SSX2IP: variants seen among roughly 807,000 people sequenced by gnomAD.
SSX2IP encodes SSX family member 2 interacting protein, also known as afadin- and alpha-actinin-binding protein.
Under a neutral mutation model 84.9 loss-of-function variants are expected in SSX2IP, and 55 were observed. That is an observed-to-expected ratio of 0.65 (90% CI 0.52 to 0.81). The LOEUF is 0.81. Among genes scored for constraint, SSX2IP ranks in the 30% least tolerant of loss-of-function variants. The pLI is 0.00. For missense variants in SSX2IP, 664 were observed against 705.2 expected (o/e 0.94, Z 0.66); for synonymous variants, 239 against 234.7 (o/e 1.02, Z -0.17).
chr1:84,677,424 C>T (rs971481698), intron 1 of SSX2IP, among the ~76,000 whole-genome samples: 1 of 152,058 alleles, frequency 6.6e-6, no homozygotes, highest in African/African-American at 2.4e-5. Flanking sequence ...TCCTTCTACC[C>T]CAAAGACGAA....
chr1:84,679,734 G>T (rs1476937727), intron 1 of SSX2IP, among the ~76,000 whole-genome samples: 2 of 152,176 alleles, frequency 1.3e-5, no homozygotes, highest in African/African-American at 2.4e-5. Flanking sequence ...AGGACATAGG[G>T]TACTGGTTTA....
At chr1:84,668,282 C>G (rs1653040833) in intron 4 of SSX2IP, among the ~76,000 whole-genome samples, 2 of 152,134 alleles carry the variant, frequency 1.3e-5, no homozygotes, top group African/African-American at 4.8e-5. Flanking sequence ...GGTTACAACT[C>G]TGCATCAGCC....
At chr1:84,678,156 T>A (rs1402911045) in intron 1 of SSX2IP, among the ~76,000 whole-genome samples, 1 of 152,186 alleles carries the variant, frequency 6.6e-6, no homozygotes, top group African/African-American at 2.4e-5. Context: ...AATGATATCA[T>A]CCAGTATTAC....
chr1:84,651,638 T>C (rs1327897820), intron 12 of SSX2IP, among the ~76,000 whole-genome samples: 1 of 151,754 alleles, frequency 6.6e-6, no homozygotes, highest in Non-Finnish European at 1.5e-5. Context: ...TGAGACAAGA[T>C]AATCGCGTGA....
rs1239625959 is a variant in SSX2IP, at chr1:84,671,244, T to C, written c.-25A>G. 1 of 1,607,704 alleles carries C rather than the reference T, an allele frequency of 6.2e-7. No individual in the cohort carries two copies. The highest frequency in any genetic ancestry group is 1.7e-5 in the Admixed American group (1 of 59,210). The stretch of plus-strand genomic sequence containing the variant: ...TAGCAATCTCTAGAGCCAGGATACC[T>C]GAGGAACTAGTTCAGCAGTTAAACA... On this transcript the variant is annotated 5_prime_UTR_variant, in exon 2 of 14. Transcript: ENST00000342203.
intron 6 of SSX2IP, 21 bp downstream of exon 6, chr1:84,664,395 CT>C (rs774490408): frequency 6.4e-7 from 1 of 1,561,764 alleles, no homozygotes; most frequent in South Asian, 1.2e-5. Context: ...ATTCTCTTAG[CT>C]GATCTTTGCC....
At position 84,680,522 on chromosome 1, in the gene SSX2IP, C is replaced by T. The variant is rs1015456796; in HGVS notation, c.-89-9214G>A. The stretch of plus-strand genomic sequence containing the variant: ...AGGGCTTAAAAAAAGGTCATGGGTA[C>T]ATGGTAAGTGCTCAATAAATGCTAG... On this transcript the variant is annotated intron_variant, in intron 1 of 13. Transcript: ENST00000342203. The T allele has an allele frequency of 6.6e-5, 10 of 152,108 alleles. No homozygotes were observed. In the South Asian group the frequency reaches 1.2e-3, roughly 19 times the overall value. 9.4% of individuals were successfully genotyped at this position (152,108 alleles called of 1,614,324 possible). A position where few individuals can be genotyped will look rare whatever the true frequency, so the allele number is the denominator to read the frequency against.
At position 84,650,384 on chromosome 1, in the gene SSX2IP, G is replaced by A. The variant is rs949170300; in HGVS notation, c.1648C>T (p.Arg550Cys). ...TACCTATGTTCAGATATGCAGGAACGTGTCTGGCAAAAGTCTGAAGTGGAA... is the reference window on the plus strand; with the variant it reads ...TACCTATGTTCAGATATGCAGGAACATGTCTGGCAAAAGTCTGAAGTGGAA... The part of the protein sequence containing the change: ...SPSTSDFCQT[R>C]SCISEHSSIN... The change falls in exon 13 of 14, where the codon CGT becomes TGT. Residue 550 changes from arginine to cysteine, a missense_variant. By Grantham distance (180) the Arg-to-Cys change is radical. Transcript: ENST00000342203. 9.3e-6 allele frequency: 15 copies of A among 1,614,074 alleles called. No homozygotes were observed. The highest frequency in any genetic ancestry group is 8.3e-5 in the Admixed American group (5 of 60,004).
In SSX2IP at chr1:84,652,004, T is replaced by C. The variant is rs754858261; in HGVS notation, c.1390-7A>G. 1 of 1,594,694 alleles carries C rather than the reference T, an allele frequency of 6.3e-7. No homozygotes were observed. Among genetic ancestry groups the C allele is most frequent in the South Asian group, 1.1e-5 (1 of 90,630 alleles). On this transcript the variant is annotated splice_polypyrimidine_tract_variant and splice_region_variant and intron_variant, in intron 11 of 13. Coordinates refer to ENST00000342203, the MANE Select transcript of SSX2IP (RefSeq NM_001166293.2). ...CTTCTTCAAATGCCTTTCTCTACCA[T>C]AAACAGCCAAAGAAATAATGATCAA...
At chr1:84,650,068 A>T (rs1180941523) in intron 13 of SSX2IP, 1 of 636,758 alleles carries the variant, frequency 1.6e-6, no homozygotes, top group Non-Finnish European at 2.8e-6. Flanking sequence ...ATTAACTCCT[A>T]TAATTAAGAC....
At chr1:84,685,863 T>C (rs955443257) in intron 1 of SSX2IP, among the ~76,000 whole-genome samples, 7 of 152,178 alleles carry the variant, frequency 4.6e-5, no homozygotes, top group Middle Eastern at 3.4e-3. Flanking sequence ...TCGAAGGCTA[T>C]AGAATAGAGA....
Position 84,651,870 on chromosome 1 carries a change from A to G in SSX2IP, c.1504+13T>C, listed in dbSNP as rs182608028. On this transcript the variant is annotated intron_variant, in intron 12 of 13. Transcript: ENST00000342203. ...TATGCATGTTCAAATTAAAGAGTTTATAAAGTACTCACTTCCTGAGAAGGC... is the reference window on the plus strand; with the variant it reads ...TATGCATGTTCAAATTAAAGAGTTTGTAAAGTACTCACTTCCTGAGAAGGC... 37 of 1,528,962 alleles carry G rather than the reference A, an allele frequency of 2.4e-5. No individual in the cohort carries two copies. The highest frequency in any genetic ancestry group is 3.4e-5 in the Admixed American group (2 of 58,900). The allele number at this position is 1,528,962 out of a possible 1,614,324, so 94.7% of individuals were successfully genotyped here.
rs866583898 is a variant in SSX2IP at position 84,645,786 on chromosome 1, G to A, written c.*1647C>T. The A allele has an allele frequency of 1.3e-5, 2 of 152,068 alleles. No homozygotes were observed. The highest frequency in any genetic ancestry group is 2.4e-5 in the African/African-American group (1 of 41,398). The allele number at this position is 152,068 out of a possible 1,614,324, so 9.4% of individuals were successfully genotyped here. ...TCCTTTAGCATATGGTAGTGTCTTC[G>A]ATATTTTGTACAATGTGTAGTATTT... On this transcript the variant is annotated 3_prime_UTR_variant, in exon 14 of 14. Transcript: ENST00000342203.
intron 1 of SSX2IP, among the ~76,000 whole-genome samples, chr1:84,672,290 G>A (rs1243860894): frequency 5.9e-5 from 9 of 152,024 alleles, no homozygotes; most frequent in Admixed American, 2.0e-4. Context: ...GCTGCTTCTC[G>A]GCTACAATAA....
chr1:84,671,450 G>T, intron 1 of SSX2IP, 142 bp from the exon 2 acceptor site: 1 of 533,700 alleles, frequency 1.9e-6, no homozygotes. Context: ...TATAGAACAT[G>T]GTGTGTGTAT....
intron 11 of SSX2IP, 183 bp downstream of exon 11, chr1:84,655,649 G>C: frequency 3.3e-6 from 5 of 1,515,160 alleles, no homozygotes; most frequent in Non-Finnish European, 4.4e-6. Flanking sequence ...CTCAAATCTG[G>C]TAAGGGGAAA....
intron 1 of SSX2IP, among the ~76,000 whole-genome samples, chr1:84,675,213 A>G (rs1654155789): frequency 6.6e-6 from 1 of 152,244 alleles, no homozygotes; most frequent in South Asian, 2.1e-4. Flanking sequence ...TTATAGATTA[A>G]TCAAATAATA....
Position 84,659,983 on chromosome 1 carries a change from C to T in SSX2IP, c.928-1515G>A, listed in dbSNP as rs573477610. On this transcript the variant is annotated intron_variant, in intron 8 of 13. Coordinates refer to ENST00000342203, the MANE Select transcript of SSX2IP (RefSeq NM_001166293.2). ...CCCAGGAGTTCGAGACCAGCCTGGG[C>T]AACAAGACCCTGCCTCTAAAAAACC... 6.6e-5 allele frequency among the ~76,000 whole-genome samples: 10 copies of T among 152,092 alleles called. No individual in the cohort carries two copies. The East Asian group carries it at 1.9e-3, about 29-fold the overall frequency.
chr1:84,682,163 A>G (rs373985367), intron 1 of SSX2IP, among the ~76,000 whole-genome samples: 12 of 152,210 alleles, frequency 7.9e-5, no homozygotes, highest in African/African-American at 2.9e-4. Flanking sequence ...CTGATATTCC[A>G]TTATATACTG....
Sources: allele counts gnomAD v4.1 joint callset (sites outside exome capture counted in the v4.1 genomes callset), GRCh38; gene constraint gnomAD v4.1.1; transcripts MANE v1.5; gene names NCBI Gene and HGNC (gene_info 2026-07-23, HGNC 2026-07-21).